Variants in ATP6V1B1 observed in about 807,000 individuals in gnomAD.
ATP6V1B1 encodes V-type proton ATPase subunit B, kidney isoform.
Under a neutral mutation model 62.1 loss-of-function variants are expected in ATP6V1B1, and 41 were observed. That is an observed-to-expected ratio of 0.66 (90% confidence interval 0.51 to 0.86). The LOEUF (loss-of-function observed/expected upper bound fraction) is 0.86, where lower values mean the gene tolerates loss of function less well. Ranked by LOEUF, ATP6V1B1 falls within the 40% of genes least tolerant of loss-of-function variation. ATP6V1B1 has a pLI of 0.00. For missense variants in ATP6V1B1, 651 were observed against 697.5 expected (o/e 0.93, Z 0.75); for synonymous variants, 253 against 273.4 (o/e 0.93, Z 0.74).
rs142779030 is a variant in ATP6V1B1, at chr2:70,964,753, C to G, written c.1266C>G (p.Ile422Met). 80 of 1,613,948 alleles carry G rather than the reference C, an allele frequency of 5.0e-5. No homozygotes were observed. Among genetic ancestry groups the G allele is most frequent in the Middle Eastern group, 1.7e-4 (1 of 6,060 alleles). ...VSNQLYACYA[I>M]GKDVQAMKAV... ...TCCCCCAGTACGCCTGCTATGCCATCGGGAAGGACGTGCAGGCCATGAAGG... is the reference window on the plus strand; with the variant it reads ...TCCCCCAGTACGCCTGCTATGCCATGGGGAAGGACGTGCAGGCCATGAAGG... The change falls in exon 13 of 14, where the codon ATC (isoleucine) becomes ATG (methionine). Residue 422 changes from isoleucine to methionine, a missense_variant. By Grantham distance (10) the Ile-to-Met change is conservative. Transcript: ENST00000234396.
chr2:70,940,352 C>CAA, intron 1 of ATP6V1B1: 2 of 972,530 alleles, frequency 2.1e-6, no homozygotes, highest in Non-Finnish European at 2.4e-6. Context: ...CCCCACCTCC[C>CAA]TATCCAGCCC....
At chr2:70,953,349 T>G (rs1430269913) in intron 2 of ATP6V1B1, among the ~76,000 whole-genome samples, 2 of 152,202 alleles carry the variant, frequency 1.3e-5, no homozygotes, top group East Asian at 3.8e-4. Context: ...CTTTTGTTCT[T>G]TTTTGTTTTG....
chr2:70,938,263 G>C (rs913226381), intron 1 of ATP6V1B1, among the ~76,000 whole-genome samples: 1 of 152,116 alleles, frequency 6.6e-6, no homozygotes, highest in Non-Finnish European at 1.5e-5. Context: ...AGGGATGAGG[G>C]GGGTGGTTCT....
At chr2:70,945,861 C>G (rs1662488578) in intron 2 of ATP6V1B1, among the ~76,000 whole-genome samples, 1 of 151,446 alleles carries the variant, frequency 6.6e-6, no homozygotes, top group Non-Finnish European at 1.5e-5. Flanking sequence ...TCCCCCTATT[C>G]CCTCCCTCTG....
At position 70,959,072 on chromosome 2, in the gene ATP6V1B1, C is replaced by T. The variant is rs372842500; in HGVS notation, c.422C>T (p.Ala141Val). ...KPIDKGPVVM[A>V]EDFLDINGQP... ...ATTGACAAGGGGCCAGTGGTCATGGCGGAGGACTTTCTGGATATCAATGGT... is the reference window on the plus strand; with the variant it reads ...ATTGACAAGGGGCCAGTGGTCATGGTGGAGGACTTTCTGGATATCAATGGT... The change falls in exon 5 of 14, where the codon GCG becomes GTG. Residue 141 changes from alanine to valine, a missense_variant. Coordinates refer to ENST00000234396, the MANE Select transcript of ATP6V1B1 (RefSeq NM_001692.4). The surrounding 1 kb of genome is among the most constrained non-coding windows in gnomAD (Gnocchi z 4.2). 5.0e-5 allele frequency: 81 copies of T among 1,614,112 alleles called. No homozygotes were observed. Among genetic ancestry groups the T allele is most frequent in the East Asian group, 6.7e-5 (3 of 44,868 alleles).
In ATP6V1B1 at chr2:70,943,648, C is replaced by T. The variant is rs782666539; in HGVS notation, c.119-10C>T. On this transcript the variant is annotated splice_polypyrimidine_tract_variant and intron_variant, in intron 1 of 13. Transcript: ENST00000234396. ...GGTGAGACCCCTACTCACCCCCGCC[C>T]CTCCCCCAGCCTACAGGACTGTGTG... The T allele has an allele frequency of 8.1e-6, 13 of 1,613,510 alleles. No individual in the cohort carries two copies. Among genetic ancestry groups the T allele is most frequent in the Middle Eastern group, 1.6e-4 (1 of 6,080 alleles).
chr2:70,951,880 C>T (rs1289239482), intron 2 of ATP6V1B1, among the ~76,000 whole-genome samples: 4 of 151,586 alleles, frequency 2.6e-5, no homozygotes, highest in Non-Finnish European at 5.9e-5. Context: ...GCCTGGGCAA[C>T]GAGTGAAACT....
rs1680649587 is a variant in ATP6V1B1 at position 70,963,895 on chromosome 2, C to T, written c.1143+241C>T. On this transcript the variant is annotated intron_variant, in intron 11 of 13. Coordinates refer to ENST00000234396, the MANE Select transcript of ATP6V1B1 (RefSeq NM_001692.4). This position sits in a 1 kb window ranked among gnomAD's most constrained non-coding sequence, Gnocchi z 4.3. ...TCTCTTGGATCCTAGGTTTCCTCAT[C>T]CATAAAATGGGAATAATCAAATATA... Among the ~76,000 whole-genome samples the T allele has an allele frequency of 1.3e-5, 2 of 152,134 alleles. No homozygotes were observed. The highest frequency in any genetic ancestry group is 2.4e-5 in the African/African-American group (1 of 41,416).
At position 70,964,870 on chromosome 2, in the gene ATP6V1B1, G is replaced by A; in HGVS notation, c.1378+5G>A. 1 of 1,614,076 alleles carries A rather than the reference G, an allele frequency of 6.2e-7. No homozygotes were observed. The highest frequency in any genetic ancestry group is 2.2e-5 in the East Asian group (1 of 44,872). On this transcript the variant is annotated splice_donor_5th_base_variant and intron_variant, in intron 13 of 13. Coordinates refer to ENST00000234396, the MANE Select transcript of ATP6V1B1 (RefSeq NM_001692.4). The stretch of plus-strand genomic sequence containing the variant: ...AGAAGAACTTCATCAATCAGGGTAA[G>A]GCGCGTCGCTGGTGTGGAGCCAGTA...
At chr2:70,936,376 G>A (rs1375132123) in intron 1 of ATP6V1B1, among the ~76,000 whole-genome samples, 3 of 152,166 alleles carry the variant, frequency 2.0e-5, no homozygotes, top group Non-Finnish European at 2.9e-5. Context: ...AGTTGCCCCT[G>A]AGAGTGGGGT....
At chr2:70,938,297 AG>A (rs1422984270) in intron 1 of ATP6V1B1, among the ~76,000 whole-genome samples, 2 of 152,038 alleles carry the variant, frequency 1.3e-5, no homozygotes, top group Non-Finnish European at 2.9e-5. Flanking sequence ...GGACAGGCGC[AG>A]GGCTGGCAAG....
Position 70,963,384 on chromosome 2 carries a change from C to T in ATP6V1B1, c.1060+72C>T, listed in dbSNP as rs1295197408. 1.9e-6 allele frequency: 3 copies of T among 1,607,044 alleles called. No individual in the cohort carries two copies. Among genetic ancestry groups the T allele is most frequent in the East Asian group, 2.2e-5 (1 of 44,828 alleles). On this transcript the variant is annotated intron_variant, in intron 10 of 13. Transcript: ENST00000234396. This position sits in a 1 kb window ranked among gnomAD's most constrained non-coding sequence, Gnocchi z 4.3. The stretch of plus-strand genomic sequence containing the variant: ...CTTTTCCAACCAGATACTTAAAGGG[C>T]CCACGTTGCTTTGCACAGATGTGCA...
chr2:70,957,190 A>C (rs888544769), intron 2 of ATP6V1B1, among the ~76,000 whole-genome samples: 2 of 143,124 alleles, frequency 1.4e-5, no homozygotes, highest in African/African-American at 5.3e-5. Context: ...GGGTTCAGTG[A>C]TTCTCCTGCC....
intron 1 of ATP6V1B1, chr2:70,940,001 G>A (rs10164686): frequency 0.092 from 13,938 of 152,268 alleles, 1,187 homozygotes; most frequent in African/African-American, 0.23. Context: ...ATCTCACCCC[G>A]GTCACCCGAG....
chr2:70,947,870 C>T (rs1680222999), intron 2 of ATP6V1B1, among the ~76,000 whole-genome samples: 8 of 152,182 alleles, frequency 5.3e-5, no homozygotes, highest in Admixed American at 5.2e-4. Flanking sequence ...CAGGCCTGCT[C>T]AGTATGCGGC....
At chr2:70,941,302 C>T (rs1053840989) in intron 1 of ATP6V1B1, 1 of 985,436 alleles carries the variant, frequency 1.0e-6, no homozygotes, top group Non-Finnish European at 1.2e-6. Flanking sequence ...GATGTCTTGC[C>T]CTCCTGGAGG....
chr2:70,963,243 C>A lies in ATP6V1B1; in HGVS notation c.991C>A (p.Arg331=). The A allele has an allele frequency of 6.2e-7, 1 of 1,613,934 alleles. No individual in the cohort carries two copies. Among genetic ancestry groups the A allele is most frequent in the East Asian group, 2.2e-5 (1 of 44,868 alleles). ...CACAGACCTGGCCACCATCTACGAGCGGGCGGGCCGCGTGGAGGGTCGGGG... is the reference window on the plus strand; with the variant it reads ...CACAGACCTGGCCACCATCTACGAGAGGGCGGGCCGCGTGGAGGGTCGGGG... ...MYTDLATIYE[R]AGRVEGRGGS... The change falls in exon 10 of 14, where the codon CGG becomes AGG. Residue 331 remains arginine (R), a synonymous_variant. Transcript: ENST00000234396. This position sits in a 1 kb window ranked among gnomAD's most constrained non-coding sequence, Gnocchi z 4.3.
chr2:70,946,897 T>G (rs782303567), intron 2 of ATP6V1B1, among the ~76,000 whole-genome samples: 4 of 152,148 alleles, frequency 2.6e-5, no homozygotes, highest in Non-Finnish European at 4.4e-5. Context: ...TTTGCGACTA[T>G]CGGATGCATC....
chr2:70,962,721 A>C, intron 8 of ATP6V1B1, 56 bp from the exon 9 acceptor site: 3 of 1,607,168 alleles, frequency 1.9e-6, no homozygotes, highest in Non-Finnish European at 2.5e-6. Flanking sequence ...CCCCCAGGCT[A>C]TGTGGTGCAT....
Sources: gnomAD v4.1 joint callset for allele counts (sites outside exome capture counted in the v4.1 genomes callset) on GRCh38, gnomAD v4.1.1 for gene constraint, Gnocchi (gnomAD v3.1) non-coding constraint, MANE v1.5 for transcripts, NCBI Gene and HGNC (gene_info 2026-07-23, HGNC 2026-07-21) for gene names.